The following DISP3 variants were observed in gnomAD, a reference collection of about 807,000 sequenced individuals.
The protein encoded by DISP3 is protein dispatched homolog 3.
In DISP3, 101 loss-of-function variants were observed where a neutral mutation model predicts 135.3. The ratio of observed to expected loss-of-function variants is 0.75; its 90% CI spans 0.64 to 0.88. The LOEUF is 0.88. Ranked by LOEUF, DISP3 falls within the 40% of genes least tolerant of loss-of-function variation. The pLI is 0.00. For missense variants in DISP3, 1,713 were observed against 1,878.6 expected (o/e 0.91, Z 1.63); for synonymous variants, 856 against 817.0 (o/e 1.05, Z -0.81).
chr1:11,536,378 G>T lies in DISP3; in HGVS notation c.3871G>T (p.Val1291Leu). 6.2e-7 allele frequency: 1 copy of T among 1,609,468 alleles called. No homozygotes were observed. The change falls in exon 21 of 21, where the codon GTG becomes TTG. Residue 1291 changes from valine to leucine, a missense_variant. By Grantham distance (32) the Val-to-Leu change is conservative (BLOSUM62 1). Transcript: ENST00000294484. The surrounding 1 kb of genome is among the most constrained non-coding windows in gnomAD (Gnocchi z 4.3). ...GCTGGAGGCCGTGCGGCACGTGGGCGTGGCCATCGTCTCCAGTGCCCTCAC... is the reference window on the plus strand; with the variant it reads ...GCTGGAGGCCGTGCGGCACGTGGGCTTGGCCATCGTCTCCAGTGCCCTCAC... ...RTLEAVRHVG[V>L]AIVSSALTTV...
At position 11,521,333 on chromosome 1, in the gene DISP3, AAGG is replaced by A. The variant is rs1457489795; in HGVS notation, c.2362+489_2362+491del. On this transcript the variant is annotated intron_variant, in intron 10 of 20. Transcript: ENST00000294484. ...TGGGGTTAACCAGGCTGGGAGGAGAAAGGAGGGAAGAGGAGGGGTTAGCCAGGT... is the reference window on the plus strand; with the variant it reads ...TGGGGTTAACCAGGCTGGGAGGAGAAAGGGAAGAGGAGGGGTTAGCCAGGT... Among the ~76,000 whole-genome samples the A allele has an allele frequency of 1.5e-4, 9 of 60,418 alleles. No homozygotes were observed. In the East Asian group the frequency reaches 5.4e-3, roughly 36 times the overall value. 39.6% of individuals were successfully genotyped at this position (60,418 alleles called of 152,430 possible). A position where few individuals can be genotyped will look rare whatever the true frequency, so the allele number is the denominator to read the frequency against.
rs371205859 is a variant in DISP3 at position 11,521,649 on chromosome 1, G to A, written c.2362+801G>A. Among the ~76,000 whole-genome samples the A allele has an allele frequency of 1.0e-4, 15 of 143,708 alleles. No individual in the cohort carries two copies. The East Asian group carries it at 3.0e-3, about 28-fold the overall frequency. 94.3% of individuals were successfully genotyped at this position (143,708 alleles called of 152,430 possible). A position where few individuals can be genotyped will look rare whatever the true frequency, so the allele number is the denominator to read the frequency against. ...CAGGCTGGGAGGGGAGAGGAGGGAA[G>A]GGGTTAGCCAGGCTGGGAGGGGAGA... On this transcript the variant is annotated intron_variant, in intron 10 of 20. Transcript: ENST00000294484.
chr1:11,494,775 A>G (rs998188598), intron 1 of DISP3, among the ~76,000 whole-genome samples: 2 of 152,234 alleles, frequency 1.3e-5, no homozygotes, highest in African/African-American at 4.8e-5. Context: ...TTGTATATAC[A>G]TATACGTAGT....
At position 11,515,504 on chromosome 1, in the gene DISP3, G is replaced by C. The variant is rs774449021; in HGVS notation, c.1588+1G>C. ...GCCGCCTTCGTGATCGTGGGCATTG[G>C]TGAGTCGCCTCTGTTGTCATGGCAG... On this transcript the variant is annotated splice_donor_variant, in intron 5 of 20. Coordinates refer to ENST00000294484, the MANE Select transcript of DISP3 (RefSeq NM_020780.2). LOFTEE classifies it high-confidence loss of function. The C allele has an allele frequency of 4.4e-6, 7 of 1,600,674 alleles. No homozygotes were observed. In the African/African-American group the frequency reaches 9.4e-5, roughly 21 times the overall value.
intron 6 of DISP3, among the ~76,000 whole-genome samples, chr1:11,517,038 C>A (rs909601947): frequency 6.6e-6 from 1 of 152,210 alleles, no homozygotes; most frequent in Non-Finnish European, 1.5e-5. Context: ...GGAACATACC[C>A]ATTGCTCCTA....
At chr1:11,530,013 A>T in intron 15 of DISP3, 54 bp downstream of exon 15, 2 of 1,586,030 alleles carry the variant, frequency 1.3e-6, no homozygotes, top group Admixed American at 3.4e-5. Context: ...ACAGTCTTGC[A>T]AATAAGCACC....
chr1:11,525,088 C>G (rs746670525), intron 11 of DISP3, 88 bp from the exon 12 acceptor site: 181 of 1,516,126 alleles, frequency 1.2e-4, no homozygotes, highest in Non-Finnish European at 1.6e-4. Flanking sequence ...GCTCGTTAGT[C>G]GACAGAGCTG....
At chr1:11,534,718 G>A (rs867478507) in intron 18 of DISP3, among the ~76,000 whole-genome samples, 178 bp downstream of exon 18, 11 of 152,194 alleles carry the variant, frequency 7.2e-5, no homozygotes, top group Non-Finnish European at 1.5e-4. Context: ...CTCTCCTGTC[G>A]GGGGCATCTG....
chr1:11,502,977 C>T, intron 3 of DISP3, 80 bp downstream of exon 3: 1 of 1,225,840 alleles, frequency 8.2e-7, no homozygotes, highest in Non-Finnish European at 1.1e-6. Context: ...CCCCATATCC[C>T]TTTCCCTATA....
chr1:11,521,987 C>G (rs867277010), intron 10 of DISP3, among the ~76,000 whole-genome samples: 3 of 152,098 alleles, frequency 2.0e-5, no homozygotes, highest in South Asian at 4.1e-4. Context: ...GCTGGTGGTG[C>G]TGGGACCAGC....
chr1:11,536,884 C>T lies in DISP3; in HGVS notation c.*198C>T. The T allele has an allele frequency of 1.3e-6, 1 of 754,308 alleles. No individual in the cohort carries two copies. The highest frequency in any genetic ancestry group is 2.0e-6 in the Non-Finnish European group (1 of 491,556). The allele number at this position is 754,308 out of a possible 1,614,324, so 46.7% of individuals were successfully genotyped here. Reference sequence around the variant, plus strand: ...GCTGGGAGTTGGAGACAGCCGCCACCCCACAGGCCGGGCTACTGGCAGCCA... The same window carrying T: ...GCTGGGAGTTGGAGACAGCCGCCACTCCACAGGCCGGGCTACTGGCAGCCA... On this transcript the variant is annotated 3_prime_UTR_variant, in exon 21 of 21. Transcript: ENST00000294484. The surrounding 1 kb of genome is among the most constrained non-coding windows in gnomAD (Gnocchi z 4.3).
chr1:11,525,665 A>G lies in DISP3; in HGVS notation c.2613+353A>G, dbSNP rs1642394854. Among the ~76,000 whole-genome samples the G allele has an allele frequency of 2.6e-5, 4 of 152,376 alleles. No homozygotes were observed. In the South Asian group the frequency reaches 8.3e-4, roughly 32 times the overall value. On this transcript the variant is annotated intron_variant, in intron 12 of 20. Coordinates refer to ENST00000294484, the MANE Select transcript of DISP3 (RefSeq NM_020780.2). Reference sequence around the variant, plus strand: ...GTGTGAGGTGAGGCCTGTGCCGTGCAGAACGCCTGGGTGCAGTCCCTCCTC... The same window carrying G: ...GTGTGAGGTGAGGCCTGTGCCGTGCGGAACGCCTGGGTGCAGTCCCTCCTC...
At chr1:11,503,978 C>T (rs970090657) in intron 3 of DISP3, among the ~76,000 whole-genome samples, 1 of 152,150 alleles carries the variant, frequency 6.6e-6, no homozygotes, top group African/African-American at 2.4e-5. Flanking sequence ...CCCACCAGAA[C>T]AGAGCAGCAG....
chr1:11,520,640 G>T lies in DISP3; in HGVS notation c.2201-47G>T. The T allele has an allele frequency of 6.3e-7, 1 of 1,592,254 alleles. No individual in the cohort carries two copies. Among genetic ancestry groups the T allele is most frequent in the South Asian group, 1.1e-5 (1 of 87,994 alleles). ...GCACTTTGGAGCCCCACTGGGAACA[G>T]ACCAGCTGGGCCCAGCCCCGCCTGG... On this transcript the variant is annotated intron_variant, in intron 9 of 20. Coordinates refer to ENST00000294484, the MANE Select transcript of DISP3 (RefSeq NM_020780.2). The surrounding 1 kb of genome is among the most constrained non-coding windows in gnomAD (Gnocchi z 4.8).
At position 11,526,515 on chromosome 1, in the gene DISP3, A is replaced by C. The variant is rs1335283001; in HGVS notation, c.2614-136A>C. 8.1e-6 allele frequency: 8 copies of C among 991,870 alleles called. No homozygotes were observed. The Admixed American group carries it at 8.7e-5, about 11-fold the overall frequency. The allele number at this position is 991,870 out of a possible 1,614,324, so 61.4% of individuals were successfully genotyped here. A position where few individuals can be genotyped will look rare whatever the true frequency, so the allele number is the denominator to read the frequency against. On this transcript the variant is annotated intron_variant, in intron 12 of 20. Coordinates refer to ENST00000294484, the MANE Select transcript of DISP3 (RefSeq NM_020780.2). ...ACCCAGGCCTCCCAAGCCTCTGCCC[A>C]GGGCTCTGTCCCCAACTCCGAGGAC...
chr1:11,522,827 G>A (rs1570131364), intron 10 of DISP3, among the ~76,000 whole-genome samples: 14 of 107,920 alleles, frequency 1.3e-4, no homozygotes, highest in South Asian at 2.9e-4. Context: ...CCCAGCCAGA[G>A]CCCAGCCAGG....
rs573471742 is a variant in DISP3, at chr1:11,520,496, A to G, written c.2201-191A>G. Among the ~76,000 whole-genome samples, 1 of 152,160 alleles carries G rather than the reference A, an allele frequency of 6.6e-6. No homozygotes were observed. Among genetic ancestry groups the G allele is most frequent in the Non-Finnish European group, 1.5e-5 (1 of 67,972 alleles). On this transcript the variant is annotated intron_variant, in intron 9 of 20. Transcript: ENST00000294484. This position sits in a 1 kb window ranked among gnomAD's most constrained non-coding sequence, Gnocchi z 4.8. The stretch of plus-strand genomic sequence containing the variant: ...AAACCCCATGGGACACCACAAAGCA[A>G]CTGATCCCTGGCCCTGTAGGACCAT...
At chr1:11,485,216 G>T (rs947365031) in intron 1 of DISP3, among the ~76,000 whole-genome samples, 4 of 152,124 alleles carry the variant, frequency 2.6e-5, no homozygotes, top group Non-Finnish European at 4.4e-5. Context: ...CCCTGGGGCT[G>T]AGACGGCATG....
intron 10 of DISP3, among the ~76,000 whole-genome samples, 162 bp downstream of exon 10, chr1:11,521,010 G>A (rs1318554468): frequency 6.6e-6 from 1 of 152,136 alleles, no homozygotes; most frequent in East Asian, 1.9e-4. Context: ...TTCAACAGAT[G>A]CCTGCTGGGT....
Sources: gnomAD v4.1 joint callset for allele counts (sites outside exome capture counted in the v4.1 genomes callset) on GRCh38, gnomAD v4.1.1 for gene constraint, Gnocchi (gnomAD v3.1) non-coding constraint, MANE v1.5 for transcripts, NCBI Gene and HGNC (gene_info 2026-07-23, HGNC 2026-07-21) for gene names.